Variants in HS3ST4 observed in about 807,000 individuals in gnomAD.
The protein encoded by HS3ST4 is heparan sulfate-glucosamine 3-sulfotransferase 4.
Under a neutral mutation model 29.2 loss-of-function variants are expected in HS3ST4, and 17 were observed. That is an observed-to-expected ratio of 0.58 (90% CI 0.40 to 0.87). HS3ST4 has a LOEUF of 0.87. Ranked by LOEUF, HS3ST4 falls within the 40% of genes least tolerant of loss-of-function variation. HS3ST4 has a pLI of 0.00. For missense variants in HS3ST4, 627 were observed against 634.5 expected, an observed-to-expected ratio of 0.99 and a Z score of 0.13; for synonymous variants, 314 against 285.7, an observed-to-expected ratio of 1.10 and a Z score of -1.00.
At chr16:25,996,869 A>G (rs879937281) in intron 1 of HS3ST4, among the ~76,000 whole-genome samples, 3 of 152,204 alleles carry the variant, frequency 2.0e-5, no homozygotes, top group Admixed American at 6.5e-5. Context: ...TATCCCATAC[A>G]TAGACATAAT....
chr16:26,044,559 T>A (rs1898243036), intron 1 of HS3ST4, among the ~76,000 whole-genome samples: 1 of 152,212 alleles, frequency 6.6e-6, no homozygotes, highest in Non-Finnish European at 1.5e-5. Context: ...CCCATGCATC[T>A]TTTCATCTGG....
intron 1 of HS3ST4, among the ~76,000 whole-genome samples, chr16:25,750,516 G>A (rs1473420120): frequency 1.3e-5 from 2 of 152,150 alleles, no homozygotes; most frequent in Non-Finnish European, 2.9e-5. Context: ...GTGTCTAGAT[G>A]TTGACAGCTG....
intron 1 of HS3ST4, among the ~76,000 whole-genome samples, chr16:25,892,587 TTTGA>T (rs1331282890): frequency 1.3e-5 from 2 of 152,150 alleles, no homozygotes; most frequent in Non-Finnish European, 2.9e-5. Context: ...GGTATCCGTC[TTTGA>T]TTGCAGGTGA....
At chr16:25,802,491 T>C (rs1966949094) in intron 1 of HS3ST4, among the ~76,000 whole-genome samples, 1 of 152,122 alleles carries the variant, frequency 6.6e-6, no homozygotes, top group South Asian at 2.1e-4. Context: ...TACTGTTCCC[T>C]TCTGTTATAG....
intron 1 of HS3ST4, among the ~76,000 whole-genome samples, chr16:25,932,827 T>G (rs1044534190): frequency 1.3e-5 from 2 of 152,208 alleles, no homozygotes; most frequent in African/African-American, 4.8e-5. Flanking sequence ...ACCTGGTCTT[T>G]AAACTCAGTT....
In HS3ST4 at chr16:26,088,420, G is replaced by A. The variant is rs557237107; in HGVS notation, c.735-47192G>A. Among the ~76,000 whole-genome samples the A allele has an allele frequency of 3.9e-5, 6 of 152,168 alleles. No homozygotes were observed. The East Asian group carries it at 1.2e-3, about 29-fold the overall frequency. On this transcript the variant is annotated intron_variant, in intron 1 of 1. Coordinates refer to ENST00000331351, the MANE Select transcript of HS3ST4 (RefSeq NM_006040.3). ...TTGAATTGGTTGTTTGGCTGCTGTG[G>A]TTTTTTGTGTTTGGTTGGTTGTAAC...
chr16:25,969,922 C>T (rs1230533711), intron 1 of HS3ST4, among the ~76,000 whole-genome samples: 2 of 152,200 alleles, frequency 1.3e-5, no homozygotes, highest in Non-Finnish European at 2.9e-5. Flanking sequence ...CAGTCTGGGG[C>T]TTTCCCAGGT....
chr16:25,972,694 A>G (rs1968909393), intron 1 of HS3ST4, among the ~76,000 whole-genome samples: 2 of 152,132 alleles, frequency 1.3e-5, no homozygotes, highest in Non-Finnish European at 1.5e-5. Flanking sequence ...TCATTTTTGC[A>G]TATTCTATTT....
chr16:25,748,103 G>T (rs534429052), intron 1 of HS3ST4, among the ~76,000 whole-genome samples: 7 of 152,030 alleles, frequency 4.6e-5, no homozygotes, highest in African/African-American at 1.7e-4. Context: ...TGATTGTCTG[G>T]GACCTGGGCA....
At chr16:26,104,573 T>C (rs1899027760) in intron 1 of HS3ST4, among the ~76,000 whole-genome samples, 3 of 152,228 alleles carry the variant, frequency 2.0e-5, no homozygotes, top group Admixed American at 1.3e-4. Context: ...TATTTTTACC[T>C]GTTCCCTTTT....
At chr16:25,804,725 GC>G (rs1302983980) in intron 1 of HS3ST4, among the ~76,000 whole-genome samples, 2 of 151,758 alleles carry the variant, frequency 1.3e-5, no homozygotes, top group Non-Finnish European at 2.9e-5. Context: ...CTTGTTATTT[GC>G]CCCCCAAAAC....
intron 1 of HS3ST4, among the ~76,000 whole-genome samples, chr16:26,115,264 T>C (rs202228978): frequency 1.1e-4 from 15 of 136,620 alleles, no homozygotes; most frequent in South Asian, 2.4e-4. Context: ...TATACATATA[T>C]ATACACACAC....
intron 1 of HS3ST4, among the ~76,000 whole-genome samples, chr16:26,125,531 C>A (rs565437691): frequency 1.3e-5 from 2 of 152,382 alleles, no homozygotes; most frequent in African/African-American, 4.8e-5. Context: ...TGGACCAGTA[C>A]TGGTCTGCAG....
intron 1 of HS3ST4, among the ~76,000 whole-genome samples, chr16:25,748,819 C>T (rs775923388): frequency 6.6e-6 from 1 of 152,158 alleles, no homozygotes; most frequent in Non-Finnish European, 1.5e-5. Flanking sequence ...AATGTACACT[C>T]TATTAGGAAA....
At chr16:25,923,695 C>T (rs923265493) in intron 1 of HS3ST4, among the ~76,000 whole-genome samples, 6 of 152,168 alleles carry the variant, frequency 3.9e-5, no homozygotes, top group South Asian at 2.1e-4. Context: ...AGGCCATTGT[C>T]CCCTCTCACT....
chr16:25,972,658 T>A (rs1156421621), intron 1 of HS3ST4, among the ~76,000 whole-genome samples: 1 of 152,206 alleles, frequency 6.6e-6, no homozygotes, highest in Non-Finnish European at 1.5e-5. Context: ...AGGCTTTTGT[T>A]ACCTAATCTT....
At chr16:26,113,311 C>G (rs1166294161) in intron 1 of HS3ST4, among the ~76,000 whole-genome samples, 1 of 151,472 alleles carries the variant, frequency 6.6e-6, no homozygotes, top group Non-Finnish European at 1.5e-5. Flanking sequence ...CTGGGTGTAG[C>G]GGCGGGCACC....
chr16:25,701,869 G>T (rs559812512), intron 1 of HS3ST4, among the ~76,000 whole-genome samples: 1 of 152,240 alleles, frequency 6.6e-6, no homozygotes, highest in Admixed American at 6.5e-5. Context: ...GTTCAATCTT[G>T]GGGAATGTAA....
chr16:26,061,481 C>T (rs1021216496), intron 1 of HS3ST4, among the ~76,000 whole-genome samples: 3 of 152,196 alleles, frequency 2.0e-5, no homozygotes, highest in Non-Finnish European at 4.4e-5. Flanking sequence ...TACACATGAG[C>T]ACCAGGAACA....
Sources: gnomAD v4.1 joint callset for allele counts (sites outside exome capture counted in the v4.1 genomes callset) on GRCh38, gnomAD v4.1.1 for gene constraint, MANE v1.5 for transcripts, NCBI Gene and HGNC (gene_info 2026-07-23, HGNC 2026-07-21) for gene names.